ASIC2: variants seen among roughly 807,000 people sequenced by gnomAD.
ASIC2 encodes acid-sensing ion channel 2.
Under a neutral mutation model 57.3 loss-of-function variants are expected in ASIC2, and 25 were observed. The ratio of observed to expected loss-of-function variants is 0.44; its 90% confidence interval spans 0.32 to 0.61. The LOEUF (loss-of-function observed/expected upper bound fraction) is 0.61. Among genes scored for constraint, ASIC2 ranks in the 20% least tolerant of loss-of-function variants. The probability of loss-of-function intolerance (pLI) is 0.06; values close to 1 mark genes in which losing one functional copy is unlikely to be tolerated. For synonymous variants in ASIC2, 319 were observed against 307.5 expected (o/e 1.04, Z -0.39); for missense variants, 641 against 738.1 (o/e 0.87, Z 1.52).
At chr17:33,029,299 G>T (rs1334747288) in intron 3 of ASIC2, among the ~76,000 whole-genome samples, 2 of 152,154 alleles carry the variant, frequency 1.3e-5, no homozygotes, top group Non-Finnish European at 1.5e-5. Flanking sequence ...CAACCTACCT[G>T]GGTAATCACG....
chr17:33,088,338 A>T lies in ASIC2; in HGVS notation c.987+525T>A, dbSNP rs1298810536. 2.0e-5 allele frequency among the ~76,000 whole-genome samples: 3 copies of T among 152,248 alleles called. No individual in the cohort carries two copies. In the East Asian group the frequency reaches 5.8e-4, roughly 29 times the overall value. On this transcript the variant is annotated intron_variant, in intron 3 of 9. Transcript: ENST00000225823. Reference sequence around the variant, plus strand: ...TGTCCTCCCTCCACCCACAGACAGAATTGATGCAGCAGTCCCAGCTGGCCA... The same window carrying T: ...TGTCCTCCCTCCACCCACAGACAGATTTGATGCAGCAGTCCCAGCTGGCCA...
intron 1 of ASIC2, among the ~76,000 whole-genome samples, chr17:33,667,340 A>G (rs965521410): frequency 5.9e-5 from 9 of 152,200 alleles, no homozygotes; most frequent in African/African-American, 1.9e-4. Context: ...CAGCGTGCAC[A>G]TGTGCTTTGT....
intron 1 of ASIC2, among the ~76,000 whole-genome samples, chr17:34,056,800 C>A (rs1908781040): frequency 6.6e-6 from 1 of 152,212 alleles, no homozygotes; most frequent in South Asian, 2.1e-4. Flanking sequence ...TTCACCTGAT[C>A]TCCAAATTGC....
intron 1 of ASIC2, among the ~76,000 whole-genome samples, chr17:33,662,762 T>C (rs377238820): frequency 1.4e-4 from 17 of 125,448 alleles, no homozygotes; most frequent in Admixed American, 7.8e-4. Context: ...TCCTTCCTTC[T>C]TTCTTCCTAC....
At chr17:34,000,541 C>T (rs1906306574) in intron 1 of ASIC2, among the ~76,000 whole-genome samples, 1 of 152,174 alleles carries the variant, frequency 6.6e-6, no homozygotes, top group Non-Finnish European at 1.5e-5. Flanking sequence ...GTGTGAGCCA[C>T]CACACCCAGC....
rs1054324485 is a variant in ASIC2 at position 34,085,955 on chromosome 17, G to T, written c.555+70023C>A. 2.9e-4 allele frequency among the ~76,000 whole-genome samples: 44 copies of T among 151,700 alleles called. 2 individuals are homozygous for T. The highest frequency in any genetic ancestry group is 6.8e-3 in the Middle Eastern group (2 of 294). ...TTTTTCTTTATTAGTCTTGCTAGTG[G>T]TCTATCAATTTTGTTGATCCTTTCA... On this transcript the variant is annotated intron_variant, in intron 1 of 9. Coordinates refer to the ASIC2 transcript ENST00000359872.
intron 1 of ASIC2, among the ~76,000 whole-genome samples, chr17:33,416,462 G>A (rs1164294457): frequency 1.3e-5 from 2 of 152,156 alleles, no homozygotes; most frequent in Non-Finnish European, 2.9e-5. Flanking sequence ...TTGCTGACTG[G>A]TTACTGGTTT....
At chr17:33,699,122 CT>C (rs1908619286) in intron 1 of ASIC2, among the ~76,000 whole-genome samples, 1 of 152,110 alleles carries the variant, frequency 6.6e-6, no homozygotes, top group Non-Finnish European at 1.5e-5. Context: ...CTGAGTTTTC[CT>C]GAAATCACCT....
At chr17:33,231,646 C>T (rs1167576236) in intron 1 of ASIC2, among the ~76,000 whole-genome samples, 2 of 152,076 alleles carry the variant, frequency 1.3e-5, no homozygotes, top group Non-Finnish European at 2.9e-5. Flanking sequence ...CCCATCAGAT[C>T]GAGGCCTGAT....
At chr17:33,701,500 C>G (rs1312131114) in intron 1 of ASIC2, among the ~76,000 whole-genome samples, 1 of 152,196 alleles carries the variant, frequency 6.6e-6, no homozygotes, top group Non-Finnish European at 1.5e-5. Context: ...CCAATTCACT[C>G]TTACACAAGG....
At chr17:33,784,524 A>G (rs1911549051) in intron 1 of ASIC2, among the ~76,000 whole-genome samples, 1 of 152,216 alleles carries the variant, frequency 6.6e-6, no homozygotes, top group African/African-American at 2.4e-5. Context: ...ATTTTCCAGA[A>G]GCCCAAATTA....
intron 1 of ASIC2, among the ~76,000 whole-genome samples, chr17:33,427,073 T>C (rs1911244059): frequency 6.6e-6 from 1 of 152,142 alleles, no homozygotes; most frequent in East Asian, 1.9e-4. Context: ...AGGTGCAAAA[T>C]GGAGTGGCAT....
At chr17:33,046,938 G>A in intron 3 of ASIC2, among the ~76,000 whole-genome samples, 1 of 152,222 alleles carries the variant, frequency 6.6e-6, no homozygotes, top group Non-Finnish European at 1.5e-5. Context: ...GGCCCACAGG[G>A]CAGAACCAAC....
At chr17:33,665,826 G>C (rs1907454486) in intron 1 of ASIC2, among the ~76,000 whole-genome samples, 1 of 152,138 alleles carries the variant, frequency 6.6e-6, no homozygotes. Context: ...ATCTCCCTGT[G>C]GCTGCATTCT....
At chr17:33,476,552 T>G (rs924543965) in intron 1 of ASIC2, among the ~76,000 whole-genome samples, 1 of 99,556 alleles carries the variant, frequency 1.0e-5, no homozygotes, top group African/African-American at 4.9e-5. Context: ...GGGGTGTGTG[T>G]GTGTGTGTGT....
intron 3 of ASIC2, among the ~76,000 whole-genome samples, chr17:33,075,130 T>G (rs1212822158): frequency 6.6e-6 from 1 of 152,046 alleles, no homozygotes; most frequent in Non-Finnish European, 1.5e-5. Flanking sequence ...AGGTGGGAGG[T>G]AATTGAATCA....
chr17:33,882,674 G>A (rs1316907332), intron 1 of ASIC2, among the ~76,000 whole-genome samples: 1 of 152,166 alleles, frequency 6.6e-6, no homozygotes, highest in African/African-American at 2.4e-5. Flanking sequence ...CTGTAAACTA[G>A]TTCAACCATT....
intron 1 of ASIC2, among the ~76,000 whole-genome samples, chr17:33,203,042 G>A (rs529608513): frequency 6.6e-6 from 1 of 152,342 alleles, no homozygotes; most frequent in South Asian, 2.1e-4. Flanking sequence ...GTGGCACGTG[G>A]TGTCTGCTCC....
intron 1 of ASIC2, among the ~76,000 whole-genome samples, chr17:34,150,168 T>C (rs1247141508): frequency 1.3e-5 from 2 of 152,182 alleles, no homozygotes; most frequent in Admixed American, 1.3e-4. Flanking sequence ...ATCTCACTTC[T>C]ATGTGGAATC....
Sources: gnomAD v4.1 joint callset for allele counts (sites outside exome capture counted in the v4.1 genomes callset) on GRCh38, gnomAD v4.1.1 for gene constraint, MANE v1.5 for transcripts, NCBI Gene and HGNC (gene_info 2026-07-23, HGNC 2026-07-21) for gene names.